The following CFAP161 variants were observed in gnomAD, a reference collection of about 807,000 sequenced individuals.
CFAP161 encodes the protein cilia and flagella associated protein 161.
In CFAP161, 25 loss-of-function variants were observed where a neutral mutation model predicts 29.0. The ratio of observed to expected loss-of-function variants is 0.86; its 90% CI spans 0.63 to 1.20. The LOEUF is 1.20. Among genes scored for constraint, CFAP161 ranks in the 50% most tolerant of loss-of-function variants. CFAP161 has a pLI of 0.00. For missense variants in CFAP161, 367 were observed against 371.9 expected (o/e 0.99, Z 0.11); for synonymous variants, 116 against 137.4 (o/e 0.84, Z 1.09).
chr15:81,148,227 C>A, intron 6 of CFAP161, 111 bp from the exon 7 acceptor site: 1 of 1,101,292 alleles, frequency 9.1e-7, no homozygotes, highest in Non-Finnish European at 1.3e-6. Context: ...TTCCCTAGGG[C>A]TTTATCTAGC....
intron 1 of CFAP161, among the ~76,000 whole-genome samples, chr15:81,101,699 G>A (rs1413966238): frequency 1.3e-5 from 2 of 152,066 alleles, no homozygotes; most frequent in Non-Finnish European, 2.9e-5. Context: ...CACTCAAAGA[G>A]CCAGCCAGTG....
chr15:81,131,106 G>A (rs1894705169), upstream of CFAP161, among the ~76,000 whole-genome samples: 1 of 146,324 alleles, frequency 6.8e-6, no homozygotes, highest in Non-Finnish European at 1.5e-5. Flanking sequence ...ACACTTGCCT[G>A]ATGCAGGCTT....
At chr15:81,138,330 A>G (rs1421009857) in intron 4 of CFAP161, among the ~76,000 whole-genome samples, 195 bp downstream of exon 4, 1 of 152,256 alleles carries the variant, frequency 6.6e-6, no homozygotes, top group Non-Finnish European at 1.5e-5. Flanking sequence ...TTCCCAAATT[A>G]CAAAAACTAC....
At chr15:81,105,958 A>G (rs1036292623) in intron 1 of CFAP161, among the ~76,000 whole-genome samples, 4 of 152,206 alleles carry the variant, frequency 2.6e-5, no homozygotes, top group Non-Finnish European at 2.9e-5. Flanking sequence ...GGCTAAGGCT[A>G]TGTCGATGAA....
chr15:81,117,698 CTCT>C, intron 1 of CFAP161: 1 of 294,802 alleles, frequency 3.4e-6, no homozygotes, highest in Non-Finnish European at 6.8e-6. Flanking sequence ...TTTCTTCCTC[CTCT>C]TCATCCTCAT....
intron 1 of CFAP161, among the ~76,000 whole-genome samples, chr15:81,120,903 G>C (rs1486479120): frequency 1.3e-5 from 2 of 152,188 alleles, no homozygotes; most frequent in African/African-American, 2.4e-5. Flanking sequence ...ACTGTCTGTA[G>C]TTTAGAAGAT....
intron 5 of CFAP161, among the ~76,000 whole-genome samples, chr15:81,146,833 TATATATA>T (rs1895014401): frequency 9.0e-5 from 1 of 11,072 alleles, no homozygotes; most frequent in Non-Finnish European, 1.3e-4. Context: ...TAGCTACAAA[TATATATA>T]TATATATATA....
intron 2 of CFAP161, among the ~76,000 whole-genome samples, chr15:81,129,053 T>A (rs1394473226): frequency 2.0e-5 from 3 of 152,194 alleles, no homozygotes; most frequent in African/African-American, 7.2e-5. Context: ...TTAGCAATCA[T>A]GAAAACAATA....
intron 4 of CFAP161, among the ~76,000 whole-genome samples, chr15:81,139,232 AG>A (rs1490780217): frequency 6.6e-6 from 1 of 152,242 alleles, no homozygotes; most frequent in East Asian, 1.9e-4. Context: ...TTAAGCCGGA[AG>A]GTAGAAACTG....
chr15:81,117,804 GTCTTCATCTTCC>G (rs1385896934), intron 1 of CFAP161: 3 of 306,666 alleles, frequency 9.8e-6, no homozygotes, highest in Admixed American at 4.5e-5. Flanking sequence ...CTACATCTTC[GTCTTCATCTTCC>G]TCTTCATCCA....
At chr15:81,125,583 A>G (rs1894630311) in intron 1 of CFAP161, among the ~76,000 whole-genome samples, 1 of 152,202 alleles carries the variant, frequency 6.6e-6, no homozygotes, top group Non-Finnish European at 1.5e-5. Flanking sequence ...TAATTTAAAA[A>G]CCAGTTTATT....
Position 81,147,944 on chromosome 15 carries a change from A to T in CFAP161, c.710+13A>T. 1 of 1,594,560 alleles carries T rather than the reference A, an allele frequency of 6.3e-7. No homozygotes were observed. Among genetic ancestry groups the T allele is most frequent in the African/African-American group, 1.3e-5 (1 of 74,328 alleles). On this transcript the variant is annotated intron_variant, in intron 6 of 6. Transcript: ENST00000286732. ...ATCTTTTCTTAAGGTATTGTATTTC[A>T]GGGTACAACAAAATGCTGTGATTGG...
intron 1 of CFAP161, among the ~76,000 whole-genome samples, chr15:81,114,179 T>C (rs1471430913): frequency 1.3e-5 from 2 of 152,200 alleles, no homozygotes; most frequent in Non-Finnish European, 2.9e-5. Flanking sequence ...TGGGTTTGTT[T>C]CCAGACTGCT....
chr15:81,143,689 C>T lies in CFAP161; in HGVS notation c.505C>T (p.Leu169Phe). ...GTATTTGTCAAGTGACCACAGGACC[C>T]TCCTGAAATCGTCTAAGAGGTCTTG... The part of the protein sequence containing the change: ...MLYLSSDHRT[L>F]LKSSKRSWLQ... The change falls in exon 5 of 7, where the codon CTC becomes TTC. Residue 169 changes from leucine to phenylalanine, a missense_variant. Physicochemically the swap from Leu to Phe is conservative, Grantham distance 22 (BLOSUM62 0). Coordinates refer to ENST00000286732, the MANE Select transcript of CFAP161 (RefSeq NM_173528.4). The T allele has an allele frequency of 2.5e-6, 4 of 1,613,940 alleles. No individual in the cohort carries two copies. Among genetic ancestry groups the T allele is most frequent in the African/African-American group, 1.3e-5 (1 of 75,016 alleles).
At chr15:81,107,259 C>T (rs527249754) in intron 1 of CFAP161, among the ~76,000 whole-genome samples, 6 of 152,294 alleles carry the variant, frequency 3.9e-5, no homozygotes, top group Non-Finnish European at 7.4e-5. Flanking sequence ...GTGTCACACA[C>T]GTCATCTTAC....
In CFAP161 at chr15:81,148,495, C is replaced by T. The variant is rs747943731; in HGVS notation, c.868C>T (p.Arg290Ter). The T allele has an allele frequency of 8.7e-6, 14 of 1,614,026 alleles. 1 individual carries two copies. The highest frequency in any genetic ancestry group is 7.7e-5 in the South Asian group (7 of 91,076). Residue 290 changes from arginine to a stop codon, truncating the protein, a stop_gained, in exon 7 of 7, where the codon CGA becomes TGA. Coordinates refer to ENST00000286732, the MANE Select transcript of CFAP161 (RefSeq NM_173528.4). LOFTEE classifies it low-confidence loss of function (END_TRUNC). ...DLPKPPTEDT[R>*]AMEQAMGLDT... Reference sequence around the variant, plus strand: ...GCCCAAACCACCCACAGAGGACACTCGAGCCATGGAGCAGGCCATGGGCCT... The same window carrying T: ...GCCCAAACCACCCACAGAGGACACTTGAGCCATGGAGCAGGCCATGGGCCT...
chr15:81,136,384 C>T, intron 2 of CFAP161, 132 bp from the exon 3 acceptor site: 1 of 758,312 alleles, frequency 1.3e-6, no homozygotes, highest in Admixed American at 2.4e-5. Flanking sequence ...GAAGAAGGAA[C>T]TAAGGGTTCG....
chr15:81,109,714 T>C (rs1439795609), intron 1 of CFAP161, among the ~76,000 whole-genome samples: 1 of 152,120 alleles, frequency 6.6e-6, no homozygotes, highest in African/African-American at 2.4e-5. Context: ...AAAAAAGAAT[T>C]GCGTAAGTTA....
At chr15:81,132,689 C>T (rs1297730710), upstream of CFAP161, among the ~76,000 whole-genome samples, 5 of 152,116 alleles carry the variant, frequency 3.3e-5, no homozygotes, top group African/African-American at 9.7e-5. Context: ...TACTGAATGA[C>T]CCAATCATTA....
Sources: gnomAD v4.1 joint callset for allele counts (sites outside exome capture counted in the v4.1 genomes callset) on GRCh38, gnomAD v4.1.1 for gene constraint, MANE v1.5 for transcripts, NCBI Gene and HGNC (gene_info 2026-07-23, HGNC 2026-07-21) for gene names.